VPS13A: variants seen among roughly 807,000 people sequenced by gnomAD.
VPS13A encodes intermembrane lipid transfer protein VPS13A.
A neutral mutation model predicts 390.9 loss-of-function variants in VPS13A; 264 were observed. The ratio of observed to expected loss-of-function variants is 0.68; its 90% CI spans 0.61 to 0.75. The LOEUF is 0.75. Ranked by LOEUF, VPS13A falls within the 30% of genes least tolerant of loss-of-function variation. The pLI is 0.00. For missense variants in VPS13A, 3,409 were observed against 3,733.9 expected (o/e 0.91, Z 2.27); for synonymous variants, 1,231 against 1,227.1 (o/e 1.00, Z -0.07).
At chr9:77,217,218 T>TA in intron 10 of VPS13A, among the ~76,000 whole-genome samples, 1 of 152,300 alleles carries the variant, frequency 6.6e-6, no homozygotes, top group East Asian at 1.9e-4. Flanking sequence ...TGGTTCAAAC[T>TA]AGCAACATCA....
At chr9:77,348,295 A>G (rs890616895) in intron 52 of VPS13A, among the ~76,000 whole-genome samples, 3 of 152,222 alleles carry the variant, frequency 2.0e-5, no homozygotes. Context: ...TGCAGCCGTA[A>G]AAAGGAACGA....
chr9:77,415,171 C>A lies in VPS13A; in HGVS notation c.9475-785C>A, dbSNP rs143615456. ...TCTTTCATGTCACTGAAGGACAGTA[C>A]CACCTGTTTCAATTTACCTGCAATA... On this transcript the variant is annotated intron_variant, in intron 71 of 71. Transcript: ENST00000360280. Among the ~76,000 whole-genome samples, 4 of 152,284 alleles carry A rather than the reference C, an allele frequency of 2.6e-5. No homozygotes were observed. The East Asian group carries it at 5.8e-4, about 22-fold the overall frequency.
intron 15 of VPS13A, 71 bp from the exon 16 acceptor site, chr9:77,227,320 A>G (rs979746542): frequency 1.0e-5 from 11 of 1,078,148 alleles, no homozygotes; most frequent in Non-Finnish European, 1.5e-5. Flanking sequence ...TCTGTTTATT[A>G]AAGGCAGATA....
intron 3 of VPS13A, among the ~76,000 whole-genome samples, chr9:77,204,729 A>T (rs956271588): frequency 6.6e-6 from 1 of 152,012 alleles, no homozygotes; most frequent in Non-Finnish European, 1.5e-5. Context: ...TGGGCTCAAG[A>T]TCCTCCCACC....
At chr9:77,233,026 A>G (rs1324245132) in intron 17 of VPS13A, among the ~76,000 whole-genome samples, 1 of 152,220 alleles carries the variant, frequency 6.6e-6, no homozygotes. Context: ...GATAGTTTAT[A>G]GGTTTATAAG....
chr9:77,379,500 G>A (rs367576145), intron 67 of VPS13A, among the ~76,000 whole-genome samples: 4 of 151,782 alleles, frequency 2.6e-5, no homozygotes, highest in Admixed American at 6.6e-5. Flanking sequence ...TTGGCCTCCC[G>A]AAGTGCTGGG....
chr9:77,215,796 G>A (rs750008177), intron 10 of VPS13A, among the ~76,000 whole-genome samples: 2 of 152,230 alleles, frequency 1.3e-5, no homozygotes, highest in Non-Finnish European at 2.9e-5. Context: ...GTGGTGCTGT[G>A]CCAGCAAAAC....
rs545828430 is a variant in VPS13A, at chr9:77,407,582, A to G, written c.9449A>G (p.Asn3150Ser). The G allele has an allele frequency of 4.8e-5, 78 of 1,612,932 alleles. No homozygotes were observed. In the South Asian group the frequency reaches 8.2e-4, roughly 17 times the overall value. Residue 3150 changes from asparagine (N) to serine (S), a missense_variant, in exon 71 of 72, where the codon AAC becomes AGC. Asn to Ser is a conservative substitution (Grantham distance 46). Transcript: ENST00000360280. ...FHAREFGKII[N>S]FKTPEDARWI... The stretch of plus-strand genomic sequence containing the variant: ...GCCAGAGAGTTTGGAAAAATAATTA[A>G]CTTCAAGACCCCAGAGGATGCCAGG...
chr9:77,403,672 C>A (rs921925092), intron 69 of VPS13A, among the ~76,000 whole-genome samples: 2 of 152,130 alleles, frequency 1.3e-5, no homozygotes, highest in Non-Finnish European at 2.9e-5. Context: ...CTGGTAGTAT[C>A]TGTTTGTTAG....
At chr9:77,216,320 G>A (rs1416301611) in intron 10 of VPS13A, among the ~76,000 whole-genome samples, 1 of 152,178 alleles carries the variant, frequency 6.6e-6, no homozygotes, top group African/African-American at 2.4e-5. Flanking sequence ...GGAGAGCGAA[G>A]GGGGAATGAA....
At chr9:77,258,101 A>T (rs1056330253) in intron 22 of VPS13A, among the ~76,000 whole-genome samples, 4 of 152,188 alleles carry the variant, frequency 2.6e-5, no homozygotes, top group African/African-American at 9.6e-5. Context: ...GGCCATTTAG[A>T]TTATTTATTT....
At chr9:77,316,115 A>C in intron 38 of VPS13A, 59 bp from the exon 39 acceptor site, 2 of 917,890 alleles carry the variant, frequency 2.2e-6, no homozygotes, top group Non-Finnish European at 2.9e-6. Flanking sequence ...ATTTTCTTAT[A>C]AATAATAAAT....
intron 19 of VPS13A, among the ~76,000 whole-genome samples, chr9:77,245,491 C>T (rs1441584997): frequency 6.6e-6 from 1 of 152,184 alleles, no homozygotes; most frequent in Non-Finnish European, 1.5e-5. Context: ...GTCAATTCTG[C>T]TCTTAAGTTT....
At chr9:77,309,163 G>A (rs1314024218) in intron 35 of VPS13A, among the ~76,000 whole-genome samples, 1 of 152,132 alleles carries the variant, frequency 6.6e-6, no homozygotes, top group Non-Finnish European at 1.5e-5. Flanking sequence ...CTCACCCAAG[G>A]ATAGGAGAGT....
chr9:77,401,491 T>C (rs1023317106), intron 68 of VPS13A, among the ~76,000 whole-genome samples: 6 of 152,164 alleles, frequency 3.9e-5, no homozygotes, highest in Non-Finnish European at 7.4e-5. Flanking sequence ...GTGGTATGGC[T>C]TTTATCACCT....
At chr9:77,195,999 C>G (rs144840031) in intron 1 of VPS13A, among the ~76,000 whole-genome samples, 6 of 152,056 alleles carry the variant, frequency 3.9e-5, no homozygotes, top group Admixed American at 3.9e-4. Context: ...ATGGTACAGT[C>G]TTTTTATTTT....
rs763819455 is a variant in VPS13A, at chr9:77,273,367, A to G, written c.2512+3A>G. 1.0e-5 allele frequency: 16 copies of G among 1,600,964 alleles called. No individual in the cohort carries two copies. The highest frequency in any genetic ancestry group is 9.4e-5 in the African/African-American group (7 of 74,634). ...ACTTCCATCTGTTTCTGAAGATGGT[A>G]AAATGAAACTGCTTAAGGATATTTT... On this transcript the variant is annotated splice_donor_region_variant and intron_variant, in intron 24 of 71. Transcript: ENST00000360280.
At chr9:77,310,930 T>C (rs949987491) in intron 35 of VPS13A, among the ~76,000 whole-genome samples, 1 of 145,024 alleles carries the variant, frequency 6.9e-6, no homozygotes, top group African/African-American at 2.5e-5. Flanking sequence ...CTTTCACTAA[T>C]TTTTTTTTTT....
chr9:77,354,463 G>T (rs1163695510), intron 54 of VPS13A, among the ~76,000 whole-genome samples: 1 of 152,034 alleles, frequency 6.6e-6, no homozygotes, highest in Non-Finnish European at 1.5e-5. Flanking sequence ...CCTATTATAT[G>T]TTATCTTCTA....
Sources: gnomAD v4.1 joint callset for allele counts (sites outside exome capture counted in the v4.1 genomes callset) on GRCh38, gnomAD v4.1.1 for gene constraint, MANE v1.5 for transcripts, NCBI Gene and HGNC (gene_info 2026-07-23, HGNC 2026-07-21) for gene names.